Variants in PIRT observed in about 807,000 individuals in gnomAD.
The protein encoded by PIRT is phosphoinositide-interacting protein.
PIRT carries 6 observed loss-of-function variants against 7.9 expected under a neutral mutation model. The ratio of observed to expected loss-of-function variants is 0.76; its 90% CI spans 0.42 to 1.51. The LOEUF (loss-of-function observed/expected upper bound fraction) is 1.51, where lower values mean the gene tolerates loss of function less well. Among genes scored for constraint, PIRT ranks in the 40% most tolerant of loss-of-function variants. The pLI is 0.01. For synonymous variants in PIRT, 78 were observed against 71.8 expected (o/e 1.09, Z -0.44); for missense variants, 170 against 172.9 (o/e 0.98, Z 0.09).
At position 10,830,008 on chromosome 17, in the gene PIRT, T is replaced by TATC. The variant is rs35246113; in HGVS notation, c.-138-4228_-138-4226dup. On this transcript the variant is annotated intron_variant, in intron 1 of 1. Coordinates refer to ENST00000580256, the MANE Select transcript of PIRT (RefSeq NM_001101387.2). ...CTATCTATCTATCTATCTATCTATC[T>TATC]ATCATCATCATCTATCTGCAATGGT... Among the ~76,000 whole-genome samples the TATC allele has an allele frequency of 3.7e-5, 5 of 136,672 alleles. No homozygotes were observed. The Admixed American group carries it at 3.7e-4, about 10-fold the overall frequency. The allele number at this position is 136,672 out of a possible 152,430, so 89.7% of individuals were successfully genotyped here.
At chr17:10,826,260 G>C (rs948861708) in intron 1 of PIRT, among the ~76,000 whole-genome samples, 1 of 152,216 alleles carries the variant, frequency 6.6e-6, no homozygotes, top group African/African-American at 2.4e-5. Flanking sequence ...CACCGCACCC[G>C]GCCAGCTATA....
chr17:10,825,636 C>T lies in PIRT; in HGVS notation c.10G>A (p.Glu4Lys). Reference protein sequence around the residue: MTMETLPKVLEVDE... With the variant: MTMKTLPKVLEVDE... The stretch of plus-strand genomic sequence containing the variant: ...ACCTCTAGAACCTTGGGGAGAGTCT[C>T]CATCGTCATGGTTGCTCAGGACTGG... The change falls in exon 2 of 2, where the codon GAG becomes AAG. Residue 4 changes from glutamate (E) to lysine (K), a missense_variant. Glu to Lys is a moderately conservative substitution (Grantham distance 56). Transcript: ENST00000580256. The T allele has an allele frequency of 6.7e-7, 1 of 1,482,202 alleles. No homozygotes were observed. Among genetic ancestry groups the T allele is most frequent in the Non-Finnish European group, 9.0e-7 (1 of 1,113,930 alleles). 91.8% of individuals were successfully genotyped at this position (1,482,202 alleles called of 1,614,324 possible). A position where few individuals can be genotyped will look rare whatever the true frequency, so the allele number is the denominator to read the frequency against.
At chr17:10,832,626 T>C (rs1382290974) in intron 1 of PIRT, among the ~76,000 whole-genome samples, 1 of 152,232 alleles carries the variant, frequency 6.6e-6, no homozygotes, top group Admixed American at 6.5e-5. Context: ...TTAAAAGATA[T>C]AACTAAATGC....
At position 10,823,679 on chromosome 17, in the gene PIRT, T is replaced by C. The variant is rs1905251168; in HGVS notation, c.*1553A>G. On this transcript the variant is annotated 3_prime_UTR_variant, in exon 2 of 2. Coordinates refer to ENST00000580256, the MANE Select transcript of PIRT (RefSeq NM_001101387.2). ...CTGGCTCCCTCACAGGTACTGCTTC[T>C]GTTCTTTCACCTACGGGCCTCTTGG... 1 of 152,260 alleles carries C rather than the reference T, an allele frequency of 6.6e-6. No homozygotes were observed. The highest frequency in any genetic ancestry group is 2.4e-5 in the African/African-American group (1 of 41,468). 9.4% of individuals were successfully genotyped at this position (152,260 alleles called of 1,614,324 possible). A position where few individuals can be genotyped will look rare whatever the true frequency, so the allele number is the denominator to read the frequency against.
rs186591001 is a variant in PIRT, at chr17:10,837,673, T to A, written c.-139+272A>T. 2.0e-5 allele frequency among the ~76,000 whole-genome samples: 3 copies of A among 152,222 alleles called. 1 individual carries two copies. The highest frequency in any genetic ancestry group is 4.8e-5 in the African/African-American group (2 of 41,530). ...GCTATAGACGCAGGACTGAAGCAGC[T>A]CTCTGCCCACAAATTCCCTTCTTCC... On this transcript the variant is annotated intron_variant, in intron 1 of 1. Transcript: ENST00000580256.
At position 10,825,243 on chromosome 17, in the gene PIRT, G is replaced by T. The variant is rs201667664; in HGVS notation, c.403C>A (p.Leu135Met). The change falls in exon 2 of 2, where the codon CTG (leucine) becomes ATG (methionine). Residue 135 changes from leucine to methionine, a missense_variant. Coordinates refer to ENST00000580256, the MANE Select transcript of PIRT (RefSeq NM_001101387.2). ...NFLRSLKSFFLTR is the reference protein window; with the variant it reads ...NFLRSLKSFFMTR ...TGCGGAAACCACCATCAGCGAGTCAGGAAGAAGGACTTGAGGCTGCGTAAG... is the reference window on the plus strand; with the variant it reads ...TGCGGAAACCACCATCAGCGAGTCATGAAGAAGGACTTGAGGCTGCGTAAG... 14 of 1,613,708 alleles carry T rather than the reference G, an allele frequency of 8.7e-6. No homozygotes were observed. The South Asian group carries it at 1.3e-4, about 15-fold the overall frequency.
chr17:10,837,363 GTCTGAGA>G (rs1426100881), intron 1 of PIRT, among the ~76,000 whole-genome samples: 1 of 152,212 alleles, frequency 6.6e-6, no homozygotes. Context: ...TGTTCCCCCT[GTCTGAGA>G]TAAAACTCCC....
chr17:10,832,803 T>C (rs1905493286), intron 1 of PIRT, among the ~76,000 whole-genome samples: 1 of 152,148 alleles, frequency 6.6e-6, no homozygotes, highest in South Asian at 2.1e-4. Flanking sequence ...CTCTGTGACC[T>C]TCCATCCCCC....
chr17:10,826,304 C>A (rs544372940), intron 1 of PIRT, among the ~76,000 whole-genome samples: 39 of 152,322 alleles, frequency 2.6e-4, no homozygotes, highest in African/African-American at 8.7e-4. Flanking sequence ...TCAGACCCAA[C>A]CACTTTCTAG....
chr17:10,829,956 T>C lies in PIRT; in HGVS notation c.-138-4173A>G, dbSNP rs189159024. Among the ~76,000 whole-genome samples the C allele has an allele frequency of 2.3e-3, 323 of 141,332 alleles. 1 individual carries two copies. The highest frequency in any genetic ancestry group is 7.9e-3 in the African/African-American group (296 of 37,614). 92.7% of individuals were successfully genotyped at this position (141,332 alleles called of 152,430 possible). On this transcript the variant is annotated intron_variant, in intron 1 of 1. Coordinates refer to ENST00000580256, the MANE Select transcript of PIRT (RefSeq NM_001101387.2). ...AGAAAAAAATTGTCCACTATGTAGA[T>C]GTCTGTCTGTCTATCTATCTATCTA...
chr17:10,829,470 G>A (rs978138919), intron 1 of PIRT, among the ~76,000 whole-genome samples: 5 of 152,196 alleles, frequency 3.3e-5, no homozygotes, highest in African/African-American at 4.8e-5. Context: ...GCTCTGCAAC[G>A]CGGTCGCTAG....
At chr17:10,837,705 A>G (rs1362308721) in intron 1 of PIRT, among the ~76,000 whole-genome samples, 1 of 152,100 alleles carries the variant, frequency 6.6e-6, no homozygotes, top group Non-Finnish European at 1.5e-5. Context: ...TTCCCAGTAC[A>G]CAGCAAGGGG....
chr17:10,836,873 C>T (rs1905604243), intron 1 of PIRT, among the ~76,000 whole-genome samples: 3 of 152,190 alleles, frequency 2.0e-5, no homozygotes, highest in Admixed American at 6.5e-5. Context: ...GGAGGGTCCT[C>T]CTGTTTCCCT....
chr17:10,836,940 G>A (rs74417631), intron 1 of PIRT, among the ~76,000 whole-genome samples: 1 of 152,106 alleles, frequency 6.6e-6, no homozygotes, highest in Non-Finnish European at 1.5e-5. Flanking sequence ...TCATCCCCAC[G>A]GTCCCTTATC....
rs546105685 is a variant in PIRT, at chr17:10,827,465, C to CTTTTTTTTTT, written c.-138-1692_-138-1683dup. ...TCTTTCTTTTCTTTCTTTTTCTTTT[C>CTTTTTTTTTT]TTTTTTTTTTTTTTTTTTTTTTTTT... On this transcript the variant is annotated intron_variant, in intron 1 of 1. Transcript: ENST00000580256. 2.5e-3 allele frequency among the ~76,000 whole-genome samples: 139 copies of CTTTTTTTTTT among 56,292 alleles called. 3 individuals are homozygous for CTTTTTTTTTT. The highest frequency in any genetic ancestry group is 0.016 in the Middle Eastern group (1 of 64). The allele number at this position is 56,292 out of a possible 152,430, so 36.9% of individuals were successfully genotyped here.
chr17:10,826,916 G>A (rs896207496), intron 1 of PIRT, among the ~76,000 whole-genome samples: 2 of 151,994 alleles, frequency 1.3e-5, no homozygotes, highest in African/African-American at 2.4e-5. Context: ...GGGTTCAAAC[G>A]ATCCTCCTGC....
At position 10,825,411 on chromosome 17, in the gene PIRT, A is replaced by T. The variant is rs754808422; in HGVS notation, c.235T>A (p.Leu79Met). Residue 79 changes from leucine (L) to methionine (M), a missense_variant, in exon 2 of 2, where the codon TTG becomes ATG. Leu to Met is a conservative substitution (Grantham distance 15, BLOSUM62 2). Transcript: ENST00000580256. Reference sequence around the variant, plus strand: ...GAGAGACTCTTGTCACTCAGCTTCAAGGTGTAGGCCAAGCAGGTGATGACC... The same window carrying T: ...GAGAGACTCTTGTCACTCAGCTTCATGGTGTAGGCCAAGCAGGTGATGACC... ...GVVITCLAYT[L>M]KLSDKSLSIL... is the part of the protein sequence containing the mutation. 1.9e-6 allele frequency: 3 copies of T among 1,613,844 alleles called. No individual in the cohort carries two copies. In the East Asian group the frequency reaches 6.7e-5, roughly 36 times the overall value.
rs1905271415 is a variant in PIRT, at chr17:10,824,606, G to T, written c.*626C>A. On this transcript the variant is annotated 3_prime_UTR_variant, in exon 2 of 2. Transcript: ENST00000580256. The stretch of plus-strand genomic sequence containing the variant: ...TATAATTAGGAACTAAACTTCTTCA[G>T]CTGACTAACCCCTAGAGTCATGTTG... The T allele has an allele frequency of 6.6e-6, 1 of 152,358 alleles. No individual in the cohort carries two copies. Among genetic ancestry groups the T allele is most frequent in the Non-Finnish European group, 1.5e-5 (1 of 68,178 alleles). The allele number at this position is 152,358 out of a possible 1,614,324, so 9.4% of individuals were successfully genotyped here.
chr17:10,828,691 A>G (rs1433193622), intron 1 of PIRT, among the ~76,000 whole-genome samples: 1 of 152,178 alleles, frequency 6.6e-6, no homozygotes, highest in East Asian at 1.9e-4. Flanking sequence ...GTTCTCCTTC[A>G]ATCCTTCCGA....
Sources: allele counts gnomAD v4.1 joint callset (sites outside exome capture counted in the v4.1 genomes callset), GRCh38; gene constraint gnomAD v4.1.1; transcripts MANE v1.5; gene names NCBI Gene and HGNC (gene_info 2026-07-23, HGNC 2026-07-21).